The following TPM1 variants were observed in gnomAD, a reference collection of about 807,000 sequenced individuals.
TPM1 encodes tropomyosin alpha-1 chain.
In TPM1, 24 loss-of-function variants were observed where a neutral mutation model predicts 42.9. The ratio of observed to expected loss-of-function variants is 0.56; its 90% CI spans 0.41 to 0.79. The LOEUF (loss-of-function observed/expected upper bound fraction) is 0.79, where lower values mean the gene tolerates loss of function less well. Ranked by LOEUF, TPM1 falls within the 30% of genes least tolerant of loss-of-function variation. The pLI is 0.00. For synonymous variants in TPM1, 136 were observed against 130.1 expected (o/e 1.05, Z -0.31); for missense variants, 158 against 351.8 (o/e 0.45, Z 4.41).
intron 8 of TPM1, among the ~76,000 whole-genome samples, chr15:63,063,536 A>G (rs1365104856): frequency 6.6e-6 from 1 of 152,226 alleles, no homozygotes; most frequent in Non-Finnish European, 1.5e-5. Flanking sequence ...AGAAATCGCT[A>G]TCCCAGTGGT....
At position 63,064,475 on chromosome 15, in the gene TPM1, G is replaced by A. The variant is rs74369304; in HGVS notation, c.851+333G>A. On this transcript the variant is annotated intron_variant, in intron 9 of 9. Transcript: ENST00000403994. Reference sequence around the variant, plus strand: ...AAACTAGAAGGCCATGCCGTTTGTTGTACAGGAACTTCTCAAAAAATATCA... The same window carrying A: ...AAACTAGAAGGCCATGCCGTTTGTTATACAGGAACTTCTCAAAAAATATCA... 1.3e-3 allele frequency: 1,426 copies of A among 1,118,618 alleles called. 24 individuals carry two copies. In the East Asian group the frequency reaches 0.041, roughly 32 times the overall value. The allele number at this position is 1,118,618 out of a possible 1,614,324, so 69.3% of individuals were successfully genotyped here. A position where few individuals can be genotyped will look rare whatever the true frequency, so the allele number is the denominator to read the frequency against.
downstream of TPM1, chr15:63,069,769 T>C (rs1472294930): frequency 1.4e-6 from 2 of 1,459,812 alleles, no homozygotes; most frequent in Admixed American, 3.4e-5. Context: ...GCTGTCCTGC[T>C]TGAGGTCTCT....
At chr15:63,066,757 A>G (rs142806957), downstream of TPM1, among the ~76,000 whole-genome samples, 2 of 152,346 alleles carry the variant, frequency 1.3e-5, no homozygotes, top group African/African-American at 4.8e-5. Flanking sequence ...GGTTTTCTAA[A>G]TATGATTACT....
chr15:63,070,199 C>T (rs1441345731), downstream of TPM1: 1 of 1,271,192 alleles, frequency 7.9e-7, no homozygotes. Context: ...CTTGAAATAG[C>T]AGGTCCTCTT....
downstream of TPM1, chr15:63,071,178 T>G: frequency 1.2e-6 from 2 of 1,609,900 alleles, no homozygotes; most frequent in East Asian, 2.2e-5. Context: ...TGTGAAAACC[T>G]CCTTAGCTGC....
At chr15:63,050,186 C>T (rs573387055) in intron 2 of TPM1, among the ~76,000 whole-genome samples, 5 of 152,370 alleles carry the variant, frequency 3.3e-5, no homozygotes, top group African/African-American at 1.2e-4. Flanking sequence ...ACAGCCCTGG[C>T]AGCCCAGTGC....
At chr15:63,063,334 T>C in intron 8 of TPM1, 1 of 985,310 alleles carries the variant, frequency 1.0e-6, no homozygotes, top group Non-Finnish European at 1.2e-6. Flanking sequence ...ACCAAAATAG[T>C]GGAGAAGAGA....
downstream of TPM1, chr15:63,069,937 G>A (rs772871597): frequency 7.8e-5 from 126 of 1,613,884 alleles, no homozygotes; most frequent in Non-Finnish European, 1.0e-4. Flanking sequence ...CCCTGAATGA[G>A]GATTAAACTT....
chr15:63,048,838 C>T, intron 2 of TPM1: 1 of 1,266,416 alleles, frequency 7.9e-7, no homozygotes. Context: ...GCACCTGGCG[C>T]ACCTGGGCCA....
chr15:63,057,480 C>T (rs2034988942), intron 3 of TPM1, among the ~76,000 whole-genome samples: 1 of 152,184 alleles, frequency 6.6e-6, no homozygotes, highest in African/African-American at 2.4e-5. Flanking sequence ...TAAAGTGTAA[C>T]TTTATTTTAT....
At chr15:63,068,791 G>A (rs1191729061), downstream of TPM1, among the ~76,000 whole-genome samples, 2 of 152,144 alleles carry the variant, frequency 1.3e-5, no homozygotes, top group African/African-American at 2.4e-5. Flanking sequence ...TGTAGGTGTT[G>A]CAAGTTTCGT....
chr15:63,066,047 G>A lies in TPM1; in HGVS notation c.*148G>A, dbSNP rs7668. On this transcript the variant is annotated 3_prime_UTR_variant, in exon 10 of 10. Transcript: ENST00000403994. ...CCAGGCACACACTGTGCTTTCTATT[G>A]TACAGAAGCTCTTCGTTTCAGTGTC... 30 of 1,541,904 alleles carry A rather than the reference G, an allele frequency of 1.9e-5. No individual in the cohort carries two copies. The highest frequency in any genetic ancestry group is 2.4e-5 in the Non-Finnish European group (28 of 1,146,522).
intron 2 of TPM1, among the ~76,000 whole-genome samples, chr15:63,051,819 G>A (rs146033535): frequency 2.7e-5 from 4 of 150,898 alleles, no homozygotes; most frequent in Non-Finnish European, 5.9e-5. Context: ...AAAAGTCACT[G>A]CCATTTTTAA....
At chr15:63,051,547 T>TTTC (rs1175477664) in intron 2 of TPM1, among the ~76,000 whole-genome samples, 2 of 150,976 alleles carry the variant, frequency 1.3e-5, no homozygotes, top group African/African-American at 4.9e-5. Context: ...TTTTTTTTTT[T>TTTC]CCCCCCTTTC....
intron 2 of TPM1, among the ~76,000 whole-genome samples, chr15:63,050,306 G>A (rs530316810): frequency 8.5e-5 from 13 of 152,270 alleles, no homozygotes; most frequent in African/African-American, 2.4e-4. Context: ...TTGTTGGGGC[G>A]GGGGGCTTGA....
intron 2 of TPM1, chr15:63,048,763 C>A: frequency 6.6e-7 from 1 of 1,511,134 alleles, no homozygotes; most frequent in Non-Finnish European, 8.8e-7. Flanking sequence ...CCCGGGGCAG[C>A]CCCGCAGGGC....
intron 3 of TPM1, 106 bp downstream of exon 3, chr15:63,057,224 G>A (rs1039505478): frequency 6.7e-7 from 1 of 1,499,172 alleles, no homozygotes; most frequent in Non-Finnish European, 9.1e-7. Flanking sequence ...TCCCCTGGTG[G>A]TGGGATCATT....
At chr15:63,059,733 A>G in intron 4 of TPM1, 53 bp downstream of exon 4, 1 of 1,296,704 alleles carries the variant, frequency 7.7e-7, no homozygotes, top group East Asian at 2.4e-5. Flanking sequence ...GCCTTCAGGA[A>G]GCCAGGGAGC....
At position 63,061,325 on chromosome 15, in the gene TPM1, C is replaced by A. The variant is rs369074082; in HGVS notation, c.563+386C>A. 1.1e-5 allele frequency: 18 copies of A among 1,573,252 alleles called. No individual in the cohort carries two copies. The African/African-American group carries it at 2.2e-4, about 19-fold the overall frequency. On this transcript the variant is annotated intron_variant, in intron 5 of 9. Coordinates refer to ENST00000403994, the MANE Select transcript of TPM1 (RefSeq NM_001018005.2). The stretch of plus-strand genomic sequence containing the variant: ...GTTTAACTGCAACCCAGACATCTTT[C>A]AGCTTCCAATGCCTCCTGGTTCGTT...
Sources: gnomAD v4.1 joint callset for allele counts (sites outside exome capture counted in the v4.1 genomes callset) on GRCh38, gnomAD v4.1.1 for gene constraint, MANE v1.5 for transcripts, NCBI Gene and HGNC (gene_info 2026-07-23, HGNC 2026-07-21) for gene names.